Variants in DOK7 observed in about 807,000 individuals in gnomAD.
The protein encoded by DOK7 is protein Dok-7.
Under a neutral mutation model 30.7 loss-of-function variants are expected in DOK7, and 32 were observed. That is an observed-to-expected ratio of 1.04 (90% confidence interval 0.79 to 1.40). The LOEUF (loss-of-function observed/expected upper bound fraction) is 1.40, where lower values mean the gene tolerates loss of function less well. Among genes scored for constraint, DOK7 ranks in the 40% most tolerant of loss-of-function variants. The probability of loss-of-function intolerance (pLI) is 0.00; values close to 1 mark genes in which losing one functional copy is unlikely to be tolerated. For missense variants in DOK7, 1,007 were observed against 699.2 expected, an observed-to-expected ratio of 1.44 and a Z score of -4.97; for synonymous variants, 447 against 324.1, an observed-to-expected ratio of 1.38 and a Z score of -4.07.
intron 4 of DOK7, among the ~76,000 whole-genome samples, chr4:3,478,914 G>C (rs940211785): frequency 1.3e-5 from 2 of 152,324 alleles, no homozygotes; most frequent in East Asian, 3.9e-4. Flanking sequence ...CTGGAGGGAC[G>C]GGGAGTCTGC....
At chr4:3,465,511 G>C (rs921784056) in intron 2 of DOK7, among the ~76,000 whole-genome samples, 1 of 152,252 alleles carries the variant, frequency 6.6e-6, no homozygotes, top group African/African-American at 2.4e-5. Flanking sequence ...GACAGGCAGG[G>C]TTCTTTTTGT....
rs143623380 is a variant in DOK7, at chr4:3,472,105, C to T, written c.101-1301C>T. On this transcript the variant is annotated intron_variant, in intron 2 of 6. Transcript: ENST00000340083. ...TCTGGCCCCTTGCAGAGGAAGCTTG[C>T]TGACCGCTGGCCCCTGTGGTCACAC... Among the ~76,000 whole-genome samples the T allele has an allele frequency of 6.4e-3, 982 of 152,356 alleles. 8 individuals carry two copies. Among genetic ancestry groups the T allele is most frequent in the African/African-American group, 0.022 (933 of 41,582 alleles).
At chr4:3,500,092 G>A (rs1385015864) in intron 6 of DOK7, among the ~76,000 whole-genome samples, 6 of 152,018 alleles carry the variant, frequency 3.9e-5, no homozygotes, top group Admixed American at 3.9e-4. Context: ...CTGGGCCAAA[G>A]ATGGACGGTC....
chr4:3,489,672 C>G lies in DOK7; in HGVS notation c.653-5C>G. 1 of 1,565,644 alleles carries G rather than the reference C, an allele frequency of 6.4e-7. No individual in the cohort carries two copies. The highest frequency in any genetic ancestry group is 8.7e-7 in the Non-Finnish European group (1 of 1,155,474). ...CTCCTCCACCGAGTCTTCTCTCTGC[C>G]ACAGACCCAAGTCCCCCGGGACCCT... On this transcript the variant is annotated splice_polypyrimidine_tract_variant and splice_region_variant and intron_variant, in intron 5 of 6. Coordinates refer to ENST00000340083, the MANE Select transcript of DOK7 (RefSeq NM_173660.5).
intron 5 of DOK7, among the ~76,000 whole-genome samples, chr4:3,485,970 A>T (rs774986772): frequency 1.3e-5 from 2 of 151,976 alleles, no homozygotes; most frequent in Non-Finnish European, 1.5e-5. Context: ...GTGCAGTAAG[A>T]GACCCTCTGA....
In DOK7 at chr4:3,492,918, T is replaced by C. The variant is rs763124567; in HGVS notation, c.932T>C (p.Met311Thr). The C allele has an allele frequency of 1.5e-4, 242 of 1,567,318 alleles. No homozygotes were observed. The highest frequency in any genetic ancestry group is 1.9e-4 in the Non-Finnish European group (226 of 1,159,662). ...GCTGCCCAGGCCGCCGGGGAAGCCA[T>C]GGTGGGTGCCTCAAGGCCACCCCCC... Reference protein sequence around the residue: ...PAAAQAAGEAMVGASRPPPKP... With the variant: ...PAAAQAAGEATVGASRPPPKP... The change falls in exon 7 of 7, where the codon ATG becomes ACG. Residue 311 changes from methionine to threonine, a missense_variant. Met to Thr is a moderately conservative substitution (Grantham distance 81). Coordinates refer to ENST00000340083, the MANE Select transcript of DOK7 (RefSeq NM_173660.5).
intron 2 of DOK7, among the ~76,000 whole-genome samples, chr4:3,464,613 G>A (rs923390703): frequency 1.3e-5 from 2 of 152,218 alleles, no homozygotes; most frequent in Admixed American, 1.3e-4. Flanking sequence ...TTAGTCAGCT[G>A]TGGCTGGGTC....
intron 7 of DOK7, chr4:3,500,498 C>A: frequency 6.7e-7 from 1 of 1,494,030 alleles, no homozygotes; most frequent in Non-Finnish European, 8.9e-7. Context: ...CAGCCCTTGG[C>A]CAGGGAGCTT....
rs374600265 is a variant in DOK7 at position 3,468,584 on chromosome 4, CTGAG to C, written c.101-4819_101-4816del. On this transcript the variant is annotated intron_variant, in intron 2 of 6. Transcript: ENST00000340083. ...AGCATGTATGAATGTGTGTGCTTGT[CTGAG>C]TGTGCGTGTATTGGTGTGTGCGTGC... 2.1e-4 allele frequency among the ~76,000 whole-genome samples: 28 copies of C among 136,432 alleles called. 1 individual carries two copies. The highest frequency in any genetic ancestry group is 3.3e-4 in the African/African-American group (12 of 35,844). 89.5% of individuals were successfully genotyped at this position (136,432 alleles called of 152,430 possible).
At position 3,463,560 on chromosome 4, in the gene DOK7, G is replaced by T; in HGVS notation, c.100+9G>T. The T allele has an allele frequency of 6.6e-7, 1 of 1,517,674 alleles. No homozygotes were observed. The highest frequency in any genetic ancestry group is 8.8e-7 in the Non-Finnish European group (1 of 1,135,698). The allele number at this position is 1,517,674 out of a possible 1,614,324, so 94.0% of individuals were successfully genotyped here. A position where few individuals can be genotyped will look rare whatever the true frequency, so the allele number is the denominator to read the frequency against. ...GCCGTCGCCCGTGGCAGGTGAGCGG[G>T]GCGGGCGGGGGACGGGGGGCGCGGG... is the stretch of plus-strand genomic sequence containing the variant. On this transcript the variant is annotated intron_variant, in intron 2 of 6. Coordinates refer to ENST00000340083, the MANE Select transcript of DOK7 (RefSeq NM_173660.5).
At position 3,480,362 on chromosome 4, in the gene DOK7, C is replaced by T. The variant is rs185304479; in HGVS notation, c.532+3820C>T. Reference sequence around the variant, plus strand: ...GTGGCTCATGTCTGTAATCCCAGCACTTTGGGAGGCGGAGGTGGGAGGATC... The same window carrying T: ...GTGGCTCATGTCTGTAATCCCAGCATTTTGGGAGGCGGAGGTGGGAGGATC... On this transcript the variant is annotated intron_variant, in intron 4 of 6. Coordinates refer to ENST00000340083, the MANE Select transcript of DOK7 (RefSeq NM_173660.5). Among the ~76,000 whole-genome samples, 377 of 152,310 alleles carry T rather than the reference C, an allele frequency of 2.5e-3. 1 individual carries two copies. Among genetic ancestry groups the T allele is most frequent in the Middle Eastern group, 0.014 (4 of 294 alleles).
intron 5 of DOK7, among the ~76,000 whole-genome samples, chr4:3,487,678 G>A (rs1340516395): frequency 6.6e-6 from 1 of 152,234 alleles, no homozygotes; most frequent in African/African-American, 2.4e-5. Context: ...GAGAGGCTCA[G>A]GGGGCGTGTG....
At chr4:3,468,536 GTGTA>G (rs201840971) in intron 2 of DOK7, among the ~76,000 whole-genome samples, 26,391 of 150,014 alleles carry the variant, frequency 0.18, 2,718 homozygotes, top group African/African-American at 0.29. Context: ...GTGACTGTGA[GTGTA>G]TGTGTGTGTG....
intron 2 of DOK7, among the ~76,000 whole-genome samples, chr4:3,466,326 G>A (rs941456522): frequency 6.6e-6 from 1 of 152,166 alleles, no homozygotes; most frequent in African/African-American, 2.4e-5. Flanking sequence ...GGGACCCCAC[G>A]GAGACGGCGC....
chr4:3,500,175 GCT>G, intron 6 of DOK7: 1 of 1,491,324 alleles, frequency 6.7e-7, no homozygotes, highest in Non-Finnish European at 8.9e-7. Context: ...AGGGTGGGCA[GCT>G]CTTTACTGCA....
At position 3,475,430 on chromosome 4, in the gene DOK7, A is replaced by G. The variant is rs577224120; in HGVS notation, c.332-912A>G. ...GGGTCCCTTTGGCTCTGGGGGTTGG[A>G]GATGGAGCAGGTGGGGCCCCTGGTG... On this transcript the variant is annotated intron_variant, in intron 3 of 6. Transcript: ENST00000340083. Among the ~76,000 whole-genome samples the G allele has an allele frequency of 3.9e-5, 6 of 152,204 alleles. No homozygotes were observed. The South Asian group carries it at 1.2e-3, about 32-fold the overall frequency.
chr4:3,495,625 G>A (rs1462369402), downstream of DOK7, among the ~76,000 whole-genome samples: 1 of 152,218 alleles, frequency 6.6e-6, no homozygotes, highest in Admixed American at 6.5e-5. Flanking sequence ...GTTCCCAGGT[G>A]GGTGGCCAAC....
At chr4:3,482,874 G>C (rs1727517430) in intron 4 of DOK7, among the ~76,000 whole-genome samples, 2 of 151,880 alleles carry the variant, frequency 1.3e-5, no homozygotes, top group South Asian at 2.1e-4. Context: ...CTGCCGGCAA[G>C]GTGCTCAGCC....
intron 6 of DOK7, 55 bp from the exon 7 acceptor site, chr4:3,492,704 T>C: frequency 6.3e-7 from 1 of 1,599,492 alleles, no homozygotes; most frequent in South Asian, 1.1e-5. Context: ...ATCAGCCACG[T>C]CCTGCCCAGA....
Sources: allele counts gnomAD v4.1 joint callset (sites outside exome capture counted in the v4.1 genomes callset), GRCh38; gene constraint gnomAD v4.1.1; transcripts MANE v1.5; gene names NCBI Gene and HGNC (gene_info 2026-07-23, HGNC 2026-07-21).